Variants in B3GALT1 observed in about 807,000 individuals in gnomAD.
The protein encoded by B3GALT1 is UDP-Gal:betaGlcNAc beta 1,3-galactosyltransferase, polypeptide 1.
Under a neutral mutation model 23.2 loss-of-function variants are expected in B3GALT1, and 10 were observed. The ratio of observed to expected loss-of-function variants is 0.43; its 90% confidence interval spans 0.27 to 0.73. B3GALT1 has a LOEUF of 0.73. B3GALT1 is among the 30% of genes least tolerant of loss of function. The pLI is 0.21. For synonymous variants in B3GALT1, 156 were observed against 141.5 expected (o/e 1.10, Z -0.73); for missense variants, 299 against 405.4 (o/e 0.74, Z 2.25).
chr2:167,585,424 A>G (rs980857090), intron 2 of B3GALT1, among the ~76,000 whole-genome samples: 3 of 152,232 alleles, frequency 2.0e-5, no homozygotes, highest in Non-Finnish European at 4.4e-5. Flanking sequence ...ATCCAAATGG[A>G]CAATAAACAT....
chr2:167,818,233 A>G (rs1689036331), intron 3 of B3GALT1, among the ~76,000 whole-genome samples: 1 of 152,166 alleles, frequency 6.6e-6, no homozygotes, highest in Admixed American at 6.5e-5. Flanking sequence ...AAAAATCTAT[A>G]TTTCTGTTTT....
intron 2 of B3GALT1, among the ~76,000 whole-genome samples, chr2:167,526,880 AAC>A (rs1682308422): frequency 6.6e-6 from 1 of 152,064 alleles, no homozygotes; most frequent in African/African-American, 2.4e-5. Context: ...AGTTATTATT[AAC>A]ATTTTCTTGC....
rs72875077 is a variant in B3GALT1, at chr2:167,685,385, G to C, written c.-352+38419G>C. On this transcript the variant is annotated intron_variant, in intron 3 of 4. Transcript: ENST00000392690. ...TGGGATTATTGGTACATGCCACAGTGCCTAGCTATCCATTATTCTAGTTAG... is the reference window on the plus strand; with the variant it reads ...TGGGATTATTGGTACATGCCACAGTCCCTAGCTATCCATTATTCTAGTTAG... Among the ~76,000 whole-genome samples the C allele has an allele frequency of 8.9e-4, 135 of 152,302 alleles. 1 individual carries two copies. In the South Asian group the frequency reaches 0.012, roughly 13 times the overall value.
intron 2 of B3GALT1, among the ~76,000 whole-genome samples, chr2:167,598,121 A>G (rs921572363): frequency 5.3e-5 from 8 of 152,184 alleles, no homozygotes; most frequent in East Asian, 1.9e-4. Flanking sequence ...ATTCTAGCAG[A>G]TATTATGTGG....
At chr2:167,692,484 G>A (rs1686729995) in intron 3 of B3GALT1, among the ~76,000 whole-genome samples, 2 of 151,944 alleles carry the variant, frequency 1.3e-5, no homozygotes, top group African/African-American at 2.4e-5. Flanking sequence ...GTATCACTTT[G>A]TAATAAAAAG....
chr2:167,693,917 C>G (rs1348715727), intron 3 of B3GALT1, among the ~76,000 whole-genome samples: 3 of 152,144 alleles, frequency 2.0e-5, no homozygotes, highest in Admixed American at 2.0e-4. Context: ...TACTAGTTAG[C>G]TGGTCTGAGC....
chr2:167,443,975 G>A (rs989767384), intron 1 of B3GALT1, among the ~76,000 whole-genome samples: 1 of 152,176 alleles, frequency 6.6e-6, no homozygotes, highest in Non-Finnish European at 1.5e-5. Flanking sequence ...TCCAGTTTTT[G>A]CCCATTCAGT....
chr2:167,302,418 A>G (rs1410413326), intron 1 of B3GALT1, among the ~76,000 whole-genome samples: 1 of 152,138 alleles, frequency 6.6e-6, no homozygotes, highest in Non-Finnish European at 1.5e-5. Flanking sequence ...GAAACAAAAC[A>G]TTGGAGTGAT....
chr2:167,779,277 G>T (rs561906470), intron 3 of B3GALT1, among the ~76,000 whole-genome samples: 2 of 152,060 alleles, frequency 1.3e-5, no homozygotes, highest in Non-Finnish European at 2.9e-5. Context: ...AAGACATTTG[G>T]AGCCACTTGG....
intron 1 of B3GALT1, among the ~76,000 whole-genome samples, chr2:167,480,922 T>C (rs1282051246): frequency 6.6e-6 from 1 of 152,182 alleles, no homozygotes; most frequent in Non-Finnish European, 1.5e-5. Flanking sequence ...TTCAGTGCTG[T>C]AGAAAAACTG....
intron 2 of B3GALT1, among the ~76,000 whole-genome samples, chr2:167,610,230 G>A (rs1367122670): frequency 2.0e-5 from 3 of 152,036 alleles, no homozygotes; most frequent in African/African-American, 7.2e-5. Flanking sequence ...ATTTAACTAC[G>A]TAAATGTTGA....
At chr2:167,393,104 G>A (rs1401103873) in intron 1 of B3GALT1, among the ~76,000 whole-genome samples, 1 of 152,058 alleles carries the variant, frequency 6.6e-6, no homozygotes, top group Non-Finnish European at 1.5e-5. Flanking sequence ...CGTGGTGGTG[G>A]GTGCCTGTAG....
In B3GALT1 at chr2:167,563,879, C is replaced by T. The variant is rs1235631035; in HGVS notation, c.-410+73602C>T. ...CCGGGCAGAGGCGCCCCTCATCTGC[C>T]GGACGGGGCGGCCGGCCGGGCGGGG... On this transcript the variant is annotated intron_variant, in intron 2 of 4. Transcript: ENST00000392690. Among the ~76,000 whole-genome samples the T allele has an allele frequency of 6.0e-5, 6 of 100,118 alleles. No individual in the cohort carries two copies. The East Asian group carries it at 1.0e-3, about 17-fold the overall frequency. 65.7% of individuals were successfully genotyped at this position (100,118 alleles called of 152,430 possible).
intron 2 of B3GALT1, among the ~76,000 whole-genome samples, chr2:167,531,145 T>C (rs149275759): frequency 6.7e-4 from 102 of 152,336 alleles, no homozygotes; most frequent in African/African-American, 2.3e-3. Context: ...ATGGGAACTT[T>C]AAAATATTAA....
At chr2:167,371,197 T>C (rs1375687716) in intron 1 of B3GALT1, among the ~76,000 whole-genome samples, 1 of 152,074 alleles carries the variant, frequency 6.6e-6, no homozygotes, top group Non-Finnish European at 1.5e-5. Flanking sequence ...TGATTTTTTT[T>C]TTTTATCACT....
At chr2:167,732,481 C>A (rs1687424449) in intron 3 of B3GALT1, among the ~76,000 whole-genome samples, 1 of 152,264 alleles carries the variant, frequency 6.6e-6, no homozygotes, top group African/African-American at 2.4e-5. Flanking sequence ...CCGGAGCCAA[C>A]ATGCAGTGGA....
intron 1 of B3GALT1, among the ~76,000 whole-genome samples, chr2:167,411,588 A>G (rs1698393480): frequency 6.6e-6 from 1 of 152,184 alleles, no homozygotes. Flanking sequence ...GAGGTTGTAG[A>G]AAAGGGGAAC....
At chr2:167,337,786 A>G (rs537965315) in intron 1 of B3GALT1, among the ~76,000 whole-genome samples, 103 of 152,340 alleles carry the variant, frequency 6.8e-4, no homozygotes, top group African/African-American at 2.4e-3. Flanking sequence ...CTTACTGTGT[A>G]AAAGGCACTG....
intron 3 of B3GALT1, among the ~76,000 whole-genome samples, chr2:167,808,025 C>A (rs1380734646): frequency 6.6e-6 from 1 of 152,120 alleles, no homozygotes; most frequent in Non-Finnish European, 1.5e-5. Context: ...GTTAGCTCTT[C>A]TTGTTGAATT....
Sources: allele counts gnomAD v4.1 joint callset (sites outside exome capture counted in the v4.1 genomes callset), GRCh38; gene constraint gnomAD v4.1.1; transcripts MANE v1.5; gene names NCBI Gene and HGNC (gene_info 2026-07-23, HGNC 2026-07-21).